Variants in PRKG1 observed in about 807,000 individuals in gnomAD.
PRKG1 encodes the protein protein kinase cGMP-dependent 1.
PRKG1 carries 35 observed loss-of-function variants against 88.1 expected under a neutral mutation model. The ratio of observed to expected loss-of-function variants is 0.40; its 90% CI spans 0.30 to 0.53. PRKG1 has a LOEUF of 0.53. Ranked by LOEUF, PRKG1 falls within the 20% of genes least tolerant of loss-of-function variation. PRKG1 has a pLI of 0.59. For missense variants in PRKG1, 540 were observed against 839.8 expected, an observed-to-expected ratio of 0.64 and a Z score of 4.41; for synonymous variants, 303 against 292.5, an observed-to-expected ratio of 1.04 and a Z score of -0.37.
At chr10:51,651,238 C>T (rs1840031087) in intron 3 of PRKG1, among the ~76,000 whole-genome samples, 2 of 152,286 alleles carry the variant, frequency 1.3e-5, no homozygotes, top group South Asian at 4.1e-4. Flanking sequence ...AAGGCTTTCA[C>T]AATCTGACAG....
intron 1 of PRKG1, among the ~76,000 whole-genome samples, chr10:51,010,672 T>G (rs1413762894): frequency 6.6e-6 from 1 of 152,204 alleles, no homozygotes; most frequent in Non-Finnish European, 1.5e-5. Context: ...GTGAAGTGCT[T>G]GTTCCTAATC....
intron 1 of PRKG1, among the ~76,000 whole-genome samples, chr10:50,997,703 A>G (rs1842850100): frequency 6.6e-6 from 1 of 152,188 alleles, no homozygotes; most frequent in Non-Finnish European, 1.5e-5. Context: ...TAAACCAGGG[A>G]TAGCATATCC....
chr10:52,066,644 C>T (rs942559316), intron 7 of PRKG1, among the ~76,000 whole-genome samples: 1 of 152,148 alleles, frequency 6.6e-6, no homozygotes, highest in African/African-American at 2.4e-5. Context: ...AGGTGGCAAA[C>T]TGGGAAGTCT....
In PRKG1 at chr10:51,861,000, A is replaced by G. The variant is rs560526285; in HGVS notation, c.699-46507A>G. 4.6e-4 allele frequency among the ~76,000 whole-genome samples: 70 copies of G among 152,316 alleles called. 1 individual carries two copies. The Middle Eastern group carries it at 0.01, about 22-fold the overall frequency. On this transcript the variant is annotated intron_variant, in intron 4 of 17. Transcript: ENST00000373980. ...GCAGGAATTCATTCATGTATCACAC[A>G]TGTGTTGGGTACTCACTACATGCCT...
chr10:52,174,170 C>A (rs889234853), intron 9 of PRKG1, among the ~76,000 whole-genome samples: 4 of 151,292 alleles, frequency 2.6e-5, no homozygotes, highest in African/African-American at 9.7e-5. Flanking sequence ...CCTCTCAAGC[C>A]CCTTAACTTT....
At chr10:51,793,369 T>TG (rs1388958709) in intron 3 of PRKG1, among the ~76,000 whole-genome samples, 4 of 151,522 alleles carry the variant, frequency 2.6e-5, no homozygotes, top group Non-Finnish European at 5.9e-5. Context: ...AGAAAAATGA[T>TG]GGAAAAAAGA....
intron 2 of PRKG1, among the ~76,000 whole-genome samples, chr10:51,432,758 T>G (rs549802724): frequency 4.6e-5 from 7 of 152,190 alleles, no homozygotes; most frequent in African/African-American, 7.2e-5. Context: ...ATACAGATTG[T>G]TCTTTACACT....
chr10:51,724,054 C>T (rs1842074424), intron 3 of PRKG1, among the ~76,000 whole-genome samples: 1 of 152,030 alleles, frequency 6.6e-6, no homozygotes, highest in Admixed American at 6.6e-5. Context: ...GTGTGTGTGT[C>T]TGAGTGGACT....
intron 8 of PRKG1, among the ~76,000 whole-genome samples, chr10:52,142,493 G>C (rs1310412583): frequency 6.6e-6 from 1 of 152,022 alleles, no homozygotes; most frequent in Non-Finnish European, 1.5e-5. Flanking sequence ...TATTTTCATT[G>C]AATTAAATCT....
At chr10:51,493,335 T>C (rs1253801598) in intron 3 of PRKG1, among the ~76,000 whole-genome samples, 1 of 152,182 alleles carries the variant, frequency 6.6e-6, no homozygotes, top group Non-Finnish European at 1.5e-5. Flanking sequence ...ATATTTAAGG[T>C]GATAATTTTA....
chr10:51,286,348 C>G (rs1017049796), intron 2 of PRKG1, among the ~76,000 whole-genome samples: 1 of 152,176 alleles, frequency 6.6e-6, no homozygotes, highest in African/African-American at 2.4e-5. Context: ...ACAGCATGGA[C>G]AATTATGTAT....
intron 3 of PRKG1, among the ~76,000 whole-genome samples, chr10:51,702,268 A>G (rs1044581053): frequency 6.6e-6 from 1 of 152,126 alleles, no homozygotes; most frequent in African/African-American, 2.4e-5. Context: ...CCACTGTTCC[A>G]AACTAGAAGA....
chr10:51,584,338 C>A (rs1275431954), intron 3 of PRKG1, among the ~76,000 whole-genome samples: 1 of 151,974 alleles, frequency 6.6e-6, no homozygotes, highest in African/African-American at 2.4e-5. Flanking sequence ...GAATAGACTA[C>A]TACATTCCTA....
intron 3 of PRKG1, among the ~76,000 whole-genome samples, chr10:51,495,318 C>T (rs982217622): frequency 5.3e-5 from 8 of 152,158 alleles, no homozygotes; most frequent in African/African-American, 7.2e-5. Flanking sequence ...TGGTCTTAGA[C>T]GCCTGACCTC....
At chr10:51,830,723 G>C (rs1839985903) in intron 4 of PRKG1, among the ~76,000 whole-genome samples, 2 of 151,670 alleles carry the variant, frequency 1.3e-5, no homozygotes, top group Non-Finnish European at 2.9e-5. Context: ...CGCCACACCA[G>C]GCTAATTTTT....
At chr10:51,589,919 A>G (rs1320337568) in intron 3 of PRKG1, among the ~76,000 whole-genome samples, 1 of 152,208 alleles carries the variant, frequency 6.6e-6, no homozygotes, top group Non-Finnish European at 1.5e-5. Flanking sequence ...TGTGAGATAT[A>G]CTAAGAAGTA....
intron 2 of PRKG1, among the ~76,000 whole-genome samples, chr10:51,268,187 C>T (rs552531035): frequency 6.6e-6 from 1 of 152,132 alleles, no homozygotes; most frequent in Admixed American, 6.6e-5. Context: ...GATCACAAGG[C>T]AAATGGAGGC....
intron 7 of PRKG1, among the ~76,000 whole-genome samples, chr10:52,109,626 GA>G (rs1328590394): frequency 2.6e-5 from 4 of 151,772 alleles, no homozygotes; most frequent in African/African-American, 9.7e-5. Flanking sequence ...AATTAGCTGG[GA>G]GTGGTGGCAT....
At chr10:51,927,754 C>T (rs1842610446) in intron 5 of PRKG1, among the ~76,000 whole-genome samples, 1 of 152,166 alleles carries the variant, frequency 6.6e-6, no homozygotes. Flanking sequence ...AAAGTTGACA[C>T]TTCCCTCTCT....
Sources: allele counts gnomAD v4.1 joint callset (sites outside exome capture counted in the v4.1 genomes callset), GRCh38; gene constraint gnomAD v4.1.1; transcripts MANE v1.5; gene names NCBI Gene and HGNC (gene_info 2026-07-23, HGNC 2026-07-21).